The following GNS variants were observed in gnomAD, a reference collection of about 807,000 sequenced individuals.
GNS encodes glucosamine (N-acetyl)-6-sulfatase.
In GNS, 40 loss-of-function variants were observed where a neutral mutation model predicts 69.7. The ratio of observed to expected loss-of-function variants is 0.57; its 90% CI spans 0.45 to 0.75. The LOEUF (loss-of-function observed/expected upper bound fraction) is 0.75, where lower values mean the gene tolerates loss of function less well. Ranked by LOEUF, GNS falls within the 30% of genes least tolerant of loss-of-function variation. GNS has a pLI of 0.00. For missense variants in GNS, 565 were observed against 685.5 expected (o/e 0.82, Z 1.96); for synonymous variants, 243 against 251.6 (o/e 0.97, Z 0.32).
In GNS at chr12:64,742,361, G is replaced by A. The variant is rs920897813; in HGVS notation, c.792+780C>T. On this transcript the variant is annotated intron_variant, in intron 6 of 13. Transcript: ENST00000258145. Reference sequence around the variant, plus strand: ...ACACAGTTCACTCAGCTTTGAAACTGTATTTAACAAGCACATGCCTATAAT... The same window carrying A: ...ACACAGTTCACTCAGCTTTGAAACTATATTTAACAAGCACATGCCTATAAT... Among the ~76,000 whole-genome samples, 13 of 152,328 alleles carry A rather than the reference G, an allele frequency of 8.5e-5. 1 individual carries two copies. The East Asian group carries it at 2.3e-3, about 27-fold the overall frequency.
At chr12:64,732,924 A>G (rs1013780306) in intron 9 of GNS, among the ~76,000 whole-genome samples, 1 of 152,158 alleles carries the variant, frequency 6.6e-6, no homozygotes, top group Non-Finnish European at 1.5e-5. Flanking sequence ...TTGATAAATC[A>G]CTTTCTCAGG....
chr12:64,729,387 T>C (rs1869313982), intron 9 of GNS, among the ~76,000 whole-genome samples: 1 of 152,256 alleles, frequency 6.6e-6, no homozygotes, highest in South Asian at 2.1e-4. Flanking sequence ...AATGTTGGTC[T>C]AATTATTTTA....
chr12:64,747,051 T>C (rs971364756), intron 3 of GNS, among the ~76,000 whole-genome samples: 1 of 152,352 alleles, frequency 6.6e-6, no homozygotes, highest in Non-Finnish European at 1.5e-5. Flanking sequence ...GCTTGGACTT[T>C]GGGTAAAAGC....
In GNS at chr12:64,721,857, CAG is replaced by C; in HGVS notation, c.1309-154_1309-153del. The C allele has an allele frequency of 4.3e-6, 3 of 697,432 alleles. No homozygotes were observed. The South Asian group carries it at 4.5e-5, about 10-fold the overall frequency. The allele number at this position is 697,432 out of a possible 1,614,324, so 43.2% of individuals were successfully genotyped here. ...CATGGGGAAGCCAGTAACTCAAAAA[CAG>C]ATGTGAGGTTTTGTTCCTTTGGCTA... On this transcript the variant is annotated intron_variant, in intron 11 of 13. Transcript: ENST00000258145.
intron 2 of GNS, 138 bp from the exon 3 acceptor site, chr12:64,748,056 T>C (rs1297886382): frequency 4.4e-6 from 3 of 678,508 alleles, no homozygotes; most frequent in Non-Finnish European, 5.3e-6. Context: ...ATATATTTTT[T>C]TCTACACATG....
At chr12:64,758,296 G>T (rs1428256921) in intron 1 of GNS, among the ~76,000 whole-genome samples, 1 of 132,028 alleles carries the variant, frequency 7.6e-6, no homozygotes, top group East Asian at 2.4e-4. Context: ...TACCAGATTA[G>T]TTCACTTCAG....
At chr12:64,755,406 C>T (rs559584693) in intron 1 of GNS, among the ~76,000 whole-genome samples, 5 of 151,768 alleles carry the variant, frequency 3.3e-5, no homozygotes, top group South Asian at 2.1e-4. Context: ...GGTGAAATCC[C>T]GTCTCTACTA....
At chr12:64,725,540 ACTGTT>A (rs1869167244) in intron 10 of GNS, among the ~76,000 whole-genome samples, 1 of 152,246 alleles carries the variant, frequency 6.6e-6, no homozygotes, top group African/African-American at 2.4e-5. Flanking sequence ...TGGCTAATTA[ACTGTT>A]CTAATACATC....
At chr12:64,741,593 C>G (rs1053394054) in intron 6 of GNS, among the ~76,000 whole-genome samples, 5 of 151,876 alleles carry the variant, frequency 3.3e-5, no homozygotes, top group Non-Finnish European at 7.4e-5. Flanking sequence ...GTCTACCTTC[C>G]TCTAAGTTTT....
chr12:64,736,406 T>C (rs117514901), intron 9 of GNS, among the ~76,000 whole-genome samples: 3 of 152,264 alleles, frequency 2.0e-5, no homozygotes, highest in Non-Finnish European at 4.4e-5. Flanking sequence ...TTGATAGCCT[T>C]ATACTCAAAG....
chr12:64,757,162 G>C (rs1403334727), intron 1 of GNS, among the ~76,000 whole-genome samples: 2 of 152,292 alleles, frequency 1.3e-5, no homozygotes, highest in Admixed American at 6.5e-5. Context: ...CTGGATGACA[G>C]AGCAAGACCC....
chr12:64,744,444 C>T (rs1037774654), intron 5 of GNS, among the ~76,000 whole-genome samples: 1 of 152,080 alleles, frequency 6.6e-6, no homozygotes, highest in Non-Finnish European at 1.5e-5. Flanking sequence ...ATCTCTCCAT[C>T]CTCATAATGG....
intron 9 of GNS, among the ~76,000 whole-genome samples, chr12:64,730,615 A>G (rs1238401437): frequency 6.6e-6 from 1 of 152,110 alleles, no homozygotes; most frequent in Non-Finnish European, 1.5e-5. Flanking sequence ...GGCAATCCAT[A>G]TGTTACTCAG....
chr12:64,753,048 G>A, intron 1 of GNS: 1 of 430,008 alleles, frequency 2.3e-6, no homozygotes, highest in South Asian at 2.9e-5. Context: ...AAGGCAGATA[G>A]GGCAGACCTA....
At position 64,745,204 on chromosome 12, in the gene GNS, CTTTTTTTTTTTTTTTT is replaced by C. The variant is rs141453545; in HGVS notation, c.526-313_526-298del. Among the ~76,000 whole-genome samples, 80 of 42,354 alleles carry C rather than the reference CTTTTTTTTTTTTTTTT, an allele frequency of 1.9e-3. 2 individuals are homozygous for C. The highest frequency in any genetic ancestry group is 6.6e-3 in the Admixed American group (18 of 2,742). 27.8% of individuals were successfully genotyped at this position (42,354 alleles called of 152,430 possible). A position where few individuals can be genotyped will look rare whatever the true frequency, so the allele number is the denominator to read the frequency against. ...AAGGAGTGACTCACAAGTCAATAGACTTTTTTTTTTTTTTTTTTTTTTTTTTTTTTAAAGAGACAGA... is the reference window on the plus strand; with the variant it reads ...AAGGAGTGACTCACAAGTCAATAGACTTTTTTTTTTTTTTAAAGAGACAGA... On this transcript the variant is annotated intron_variant, in intron 4 of 13. Coordinates refer to ENST00000258145, the MANE Select transcript of GNS (RefSeq NM_002076.4).
Position 64,759,270 on chromosome 12 carries a change from G to C in GNS, c.7C>G (p.Leu3Val). 6.6e-7 allele frequency: 1 copy of C among 1,522,380 alleles called. No individual in the cohort carries two copies. The highest frequency in any genetic ancestry group is 8.8e-7 in the Non-Finnish European group (1 of 1,134,458). The allele number at this position is 1,522,380 out of a possible 1,614,324, so 94.3% of individuals were successfully genotyped here. ...AGCCGACCTGGGGCTAGAGGCAGGA[G>C]CCGCATAGCGGACAGGCTCCGGGGT... MR[L>V]LPLAPGRLRR... is the part of the protein sequence containing the mutation. The change falls in exon 1 of 14, where the codon CTC (leucine) becomes GTC (valine). Residue 3 changes from leucine (L) to valine (V), a missense_variant. This residue lies in a region of GNS where 181 missense variants were observed against 174.4 expected (regional missense o/e 1.04). Coordinates refer to ENST00000258145, the MANE Select transcript of GNS (RefSeq NM_002076.4).
At chr12:64,740,372 T>C (rs1422856815) in intron 7 of GNS, among the ~76,000 whole-genome samples, 2 of 152,222 alleles carry the variant, frequency 1.3e-5, no homozygotes, top group Admixed American at 6.5e-5. Flanking sequence ...GCAAGACTTT[T>C]GCCAAGTCCT....
chr12:64,754,590 T>C (rs1284341890), intron 1 of GNS, among the ~76,000 whole-genome samples: 1 of 151,976 alleles, frequency 6.6e-6, no homozygotes, highest in Admixed American at 6.6e-5. Flanking sequence ...CAGGGCCACA[T>C]AGGAATTTAG....
At chr12:64,750,905 CAAAAA>C (rs1245412820) in intron 2 of GNS, among the ~76,000 whole-genome samples, 3 of 150,792 alleles carry the variant, frequency 2.0e-5, no homozygotes, top group Admixed American at 6.6e-5. Flanking sequence ...GACCCTGTCT[CAAAAA>C]AGAAAAAAAA....
Sources: allele counts gnomAD v4.1 joint callset (sites outside exome capture counted in the v4.1 genomes callset), GRCh38; gene constraint gnomAD v4.1.1; regional missense constraint gnomAD v4.1.1; transcripts MANE v1.5; gene names NCBI Gene and HGNC (gene_info 2026-07-23, HGNC 2026-07-21).